Variants in CYFIP1 observed in about 807,000 individuals in gnomAD.
CYFIP1 encodes the protein cytoplasmic FMR1 interacting protein 1.
CYFIP1 carries 58 observed loss-of-function variants against 163.5 expected under a neutral mutation model. The observed-to-expected ratio is 0.35, with a 90% CI of 0.29 to 0.44. The LOEUF (loss-of-function observed/expected upper bound fraction) is 0.44. Ranked by LOEUF, CYFIP1 falls within the 20% of genes least tolerant of loss-of-function variation. The probability of loss-of-function intolerance (pLI) is 1.00; values close to 1 mark genes in which losing one functional copy is unlikely to be tolerated. For missense variants in CYFIP1, 1,338 were observed against 1,653.8 expected (o/e 0.81, Z 3.31); for synonymous variants, 663 against 660.7 (o/e 1.00, Z -0.05).
chr15:22,883,253 G>A (rs1016329331), intron 23 of CYFIP1, among the ~76,000 whole-genome samples: 8 of 152,166 alleles, frequency 5.3e-5, no homozygotes, highest in African/African-American at 1.9e-4. Context: ...TTGTTGAATA[G>A]CCGACTCGCT....
At chr15:22,883,113 G>C in intron 23 of CYFIP1, 102 bp from the exon 24 acceptor site, 1 of 1,387,582 alleles carries the variant, frequency 7.2e-7, no homozygotes, top group African/African-American at 1.4e-5. Flanking sequence ...TCAGGTGAGC[G>C]GGTCTGAGTC....
chr15:22,875,023 T>C (rs1283518661), intron 27 of CYFIP1, among the ~76,000 whole-genome samples, 176 bp downstream of exon 27: 1 of 152,156 alleles, frequency 6.6e-6, no homozygotes, highest in Non-Finnish European at 1.5e-5. Context: ...TCATTGCAGC[T>C]CTATTTCTCA....
intron 11 of CYFIP1, among the ~76,000 whole-genome samples, chr15:22,931,550 C>T (rs2061535516): frequency 6.6e-6 from 1 of 151,964 alleles, no homozygotes; most frequent in Admixed American, 6.6e-5. Context: ...TCACCCTTTC[C>T]TTTCCCAGTG....
At chr15:22,965,181 G>T (rs2062862669) in intron 1 of CYFIP1, among the ~76,000 whole-genome samples, 1 of 152,160 alleles carries the variant, frequency 6.6e-6, no homozygotes, top group Non-Finnish European at 1.5e-5. Context: ...ATTACTGTCT[G>T]GGTGTGGTGG....
At chr15:22,871,618 C>T (rs943581575) in intron 30 of CYFIP1, among the ~76,000 whole-genome samples, 1 of 152,120 alleles carries the variant, frequency 6.6e-6, no homozygotes, top group South Asian at 2.1e-4. Flanking sequence ...GACTGTAGAA[C>T]AGGGAGAGTA....
intron 29 of CYFIP1, among the ~76,000 whole-genome samples, 181 bp from the exon 30 acceptor site, chr15:22,873,153 A>G (rs541300462): frequency 6.6e-6 from 1 of 152,214 alleles, no homozygotes; most frequent in South Asian, 2.1e-4. Context: ...GGTTTTGATA[A>G]ATAACTTTTT....
At chr15:22,916,316 G>A (rs1033461692) in intron 16 of CYFIP1, among the ~76,000 whole-genome samples, 161 bp downstream of exon 16, 5 of 152,206 alleles carry the variant, frequency 3.3e-5, no homozygotes, top group Non-Finnish European at 7.4e-5. Flanking sequence ...AGCGAGCTCA[G>A]GCCAGGGACG....
intron 17 of CYFIP1, among the ~76,000 whole-genome samples, chr15:22,913,539 AAAAAAAAAAAAAG>A (rs1203267902): frequency 1.4e-5 from 2 of 147,528 alleles, no homozygotes; most frequent in African/African-American, 5.0e-5. Context: ...AAAAAAAAAA[AAAAAAAAAAAAAG>A]AAAGAAAGAA....
intron 22 of CYFIP1, among the ~76,000 whole-genome samples, chr15:22,897,766 G>A (rs2060281998): frequency 6.6e-6 from 1 of 152,196 alleles, no homozygotes; most frequent in African/African-American, 2.4e-5. Flanking sequence ...TTACAGGCGT[G>A]AGCCACTGTG....
intron 21 of CYFIP1, chr15:22,904,770 G>A (rs755370678): frequency 9.2e-5 from 14 of 152,040 alleles, no homozygotes; most frequent in South Asian, 4.1e-4. Context: ...ACCAAATTAC[G>A]CTCGTAGAAA....
At chr15:22,899,304 T>C (rs1279915011) in intron 22 of CYFIP1, among the ~76,000 whole-genome samples, 1 of 152,142 alleles carries the variant, frequency 6.6e-6, no homozygotes, top group Non-Finnish European at 1.5e-5. Context: ...ATTGGAAATA[T>C]CAGTATAAAC....
Position 22,929,913 on chromosome 15 carries a change from G to A in CYFIP1, c.1111-1885C>T, listed in dbSNP as rs138477854. 6.7e-3 allele frequency among the ~76,000 whole-genome samples: 996 copies of A among 148,092 alleles called. 15 individuals are homozygous for A. The highest frequency in any genetic ancestry group is 0.023 in the African/African-American group (923 of 39,984). On this transcript the variant is annotated intron_variant, in intron 11 of 30. Coordinates refer to ENST00000617928, the MANE Select transcript of CYFIP1 (RefSeq NM_014608.6). ...ATCGCGCCACTGCACTCCAGCCTGG[G>A]CAACAGAGCAAGACTCCACCTCAAA... is the stretch of plus-strand genomic sequence containing the variant.
At position 22,918,908 on chromosome 15, in the gene CYFIP1, G is replaced by C. The variant is rs747287378; in HGVS notation, c.1360-50C>G. The C allele has an allele frequency of 4.3e-5, 62 of 1,429,250 alleles. No homozygotes were observed. The South Asian group carries it at 7.5e-4, about 17-fold the overall frequency. 88.5% of individuals were successfully genotyped at this position (1,429,250 alleles called of 1,614,324 possible). A position where few individuals can be genotyped will look rare whatever the true frequency, so the allele number is the denominator to read the frequency against. On this transcript the variant is annotated intron_variant, in intron 13 of 30. Coordinates refer to ENST00000617928, the MANE Select transcript of CYFIP1 (RefSeq NM_014608.6). ...CGGCCCTTCTTAGGGATGGCACCAA[G>C]CCTCCTCTGCCTGGCACATGCCGGG...
chr15:22,934,089 A>T (rs1368569945), intron 9 of CYFIP1, among the ~76,000 whole-genome samples, 196 bp from the exon 10 acceptor site: 3 of 149,976 alleles, frequency 2.0e-5, no homozygotes, highest in African/African-American at 7.4e-5. Flanking sequence ...AAAAACCAAC[A>T]TCTATAAAAA....
At chr15:22,943,005 C>T (rs768369373) in intron 6 of CYFIP1, among the ~76,000 whole-genome samples, 168 bp downstream of exon 6, 9 of 152,176 alleles carry the variant, frequency 5.9e-5, no homozygotes, top group Non-Finnish European at 1.2e-4. Context: ...GCTCCCCTCA[C>T]CTTATCCCTC....
At chr15:22,952,200 AAGG>A (rs1197568702) in intron 1 of CYFIP1, among the ~76,000 whole-genome samples, 4 of 152,114 alleles carry the variant, frequency 2.6e-5, no homozygotes, top group Non-Finnish European at 5.9e-5. Flanking sequence ...CAGAGACAGA[AAGG>A]AGAACAGTGG....
At position 22,917,179 on chromosome 15, in the gene CYFIP1, C is replaced by G; in HGVS notation, c.1675-549G>C. 1 of 1,427,778 alleles carries G rather than the reference C, an allele frequency of 7.0e-7. No homozygotes were observed. Among genetic ancestry groups the G allele is most frequent in the South Asian group, 1.6e-5 (1 of 64,028 alleles). 88.4% of individuals were successfully genotyped at this position (1,427,778 alleles called of 1,614,324 possible). On this transcript the variant is annotated intron_variant, in intron 15 of 30. Coordinates refer to ENST00000617928, the MANE Select transcript of CYFIP1 (RefSeq NM_014608.6). This position sits in a 1 kb window ranked among gnomAD's most constrained non-coding sequence, Gnocchi z 4.2. ...GGCCGAGGGCCGTCCCCCTGACCCT[C>G]CTGCAGAGCCAGCAGCGTGCATTGC...
chr15:22,926,773 C>G (rs995625198), intron 12 of CYFIP1, among the ~76,000 whole-genome samples: 1 of 152,050 alleles, frequency 6.6e-6, no homozygotes, highest in African/African-American at 2.4e-5. Context: ...AATGTACAGT[C>G]TGATATTAGA....
chr15:22,873,865 C>T lies in CYFIP1; in HGVS notation c.3211-136G>A, dbSNP rs771763344. On this transcript the variant is annotated intron_variant, in intron 28 of 30. Coordinates refer to ENST00000617928, the MANE Select transcript of CYFIP1 (RefSeq NM_014608.6). ...GGAGTGCAGTGGCACAATCACAGCT[C>T]GCTGCAGCCTTGACTTCCCAGGCTC... The T allele has an allele frequency of 5.9e-5, 46 of 778,064 alleles. No homozygotes were observed. The East Asian group carries it at 7.4e-4, about 12-fold the overall frequency. The allele number at this position is 778,064 out of a possible 1,614,324, so 48.2% of individuals were successfully genotyped here.
Sources: allele counts gnomAD v4.1 joint callset (sites outside exome capture counted in the v4.1 genomes callset), GRCh38; gene constraint gnomAD v4.1.1; non-coding constraint Gnocchi (gnomAD v3.1); transcripts MANE v1.5; gene names NCBI Gene and HGNC (gene_info 2026-07-23, HGNC 2026-07-21).